The following RPL31 variants were observed in gnomAD, a reference collection of about 807,000 sequenced individuals.
RPL31 encodes large ribosomal subunit protein eL31.
For synonymous variants in RPL31, 51 were observed against 55.0 expected (o/e 0.93, Z 0.32); for missense variants, 95 against 164.0 (o/e 0.58, Z 2.30).
In RPL31 at chr2:101,018,997, G is replaced by C; in HGVS notation, c.347-1G>C. ...AATCATCTGTAATATTTCTGTGCTA[G>C]TTTCTGTGCTAAACAGTGTTACAGT... On this transcript the variant is annotated splice_acceptor_variant, in intron 4 of 4. Coordinates refer to the RPL31 transcript ENST00000409028. LOFTEE classifies it high-confidence loss of function. 6 of 1,612,242 alleles carry C rather than the reference G, an allele frequency of 3.7e-6. No individual in the cohort carries two copies. Among genetic ancestry groups the C allele is most frequent in the Non-Finnish European group, 5.1e-6 (6 of 1,179,240 alleles).
chr2:101,008,000 T>G (rs772497052), downstream of RPL31: 1 of 1,613,982 alleles, frequency 6.2e-7, no homozygotes, highest in East Asian at 2.2e-5. Flanking sequence ...AGGGAGACAG[T>G]CCAGTCCCTT....
chr2:101,007,872 A>AGTT (rs1205459409), downstream of RPL31: 13 of 1,613,768 alleles, frequency 8.1e-6, no homozygotes, highest in South Asian at 1.4e-4. Context: ...TCATTTCAAA[A>AGTT]GTTTTGAGAT....
At chr2:101,013,755 T>A (rs1407251219) in intron 4 of RPL31, among the ~76,000 whole-genome samples, 2 of 152,244 alleles carry the variant, frequency 1.3e-5, no homozygotes, top group East Asian at 3.8e-4. Flanking sequence ...AGTTCCACCA[T>A]AAGTGTCTTC....
downstream of RPL31, among the ~76,000 whole-genome samples, chr2:101,008,975 G>C (rs115562157): frequency 5.2e-3 from 787 of 152,362 alleles, 8 homozygotes; most frequent in African/African-American, 0.018. Flanking sequence ...AAATGAAATG[G>C]AAGAGTGATG....
intron 4 of RPL31, among the ~76,000 whole-genome samples, chr2:101,016,614 C>T (rs1184454520): frequency 6.6e-6 from 1 of 152,124 alleles, no homozygotes; most frequent in Non-Finnish European, 1.5e-5. Context: ...GCTATAAAGA[C>T]ACATGCACAC....
chr2:101,006,252 T>C (rs555975968), intron 4 of RPL31, 98 bp from the exon 5 acceptor site: 35 of 1,540,768 alleles, frequency 2.3e-5, no homozygotes, highest in Middle Eastern at 3.5e-4. Context: ...AAAAAGGTTG[T>C]GGAAAATAGA....
chr2:101,006,287 T>G (rs1366886559), intron 4 of RPL31, 63 bp from the exon 5 acceptor site: 2 of 1,584,590 alleles, frequency 1.3e-6, no homozygotes, highest in African/African-American at 1.4e-5. Flanking sequence ...CTACAAAAGG[T>G]TTTTAGAGTT....
chr2:101,010,853 G>C (rs1236958677), downstream of RPL31: 4 of 1,291,174 alleles, frequency 3.1e-6, no homozygotes, highest in African/African-American at 4.5e-5. Context: ...CTGTACTCCA[G>C]CCTGGGCGAC....
chr2:101,008,785 T>A (rs1334499624), downstream of RPL31, among the ~76,000 whole-genome samples: 1 of 150,904 alleles, frequency 6.6e-6, no homozygotes. Context: ...CACTCCAGCC[T>A]GGGCAACAAG....
intron 2 of RPL31, 125 bp downstream of exon 2, chr2:101,002,933 A>T: frequency 5.7e-6 from 4 of 701,976 alleles, no homozygotes; most frequent in East Asian, 5.4e-5. Context: ...TTCATTGGCA[A>T]TTTAACAAAT....
Position 101,006,481 on chromosome 2 carries a change from G to A in RPL31, c.*100G>A, listed in dbSNP as rs1442390754. On this transcript the variant is annotated 3_prime_UTR_variant, in exon 5 of 5. Coordinates refer to ENST00000264258, the MANE Select transcript of RPL31 (RefSeq NM_000993.5). The stretch of plus-strand genomic sequence containing the variant: ...ACTTGTATACCCTATCCTAATTATG[G>A]GATCATTTGAAGAGCTTTTCCCAAA... 3 of 1,159,666 alleles carry A rather than the reference G, an allele frequency of 2.6e-6. No homozygotes were observed. The African/African-American group carries it at 4.7e-5, about 18-fold the overall frequency. 71.8% of individuals were successfully genotyped at this position (1,159,666 alleles called of 1,614,324 possible). A position where few individuals can be genotyped will look rare whatever the true frequency, so the allele number is the denominator to read the frequency against.
chr2:101,002,502 C>A, intron 1 of RPL31, 187 bp downstream of exon 1: 1 of 611,566 alleles, frequency 1.6e-6, no homozygotes, highest in South Asian at 2.0e-5. Context: ...TTAGGGGAGC[C>A]GGAGCGGCAG....
chr2:101,007,751 G>A (rs1032078895), downstream of RPL31: 26 of 1,489,596 alleles, frequency 1.7e-5, no homozygotes, highest in African/African-American at 1.8e-4. Flanking sequence ...GTTTAGGGCT[G>A]ACCCCAAGAA....
chr2:101,010,785 G>C, downstream of RPL31: 1 of 623,980 alleles, frequency 1.6e-6, no homozygotes, highest in South Asian at 1.9e-5. Context: ...AGGAGGCTGA[G>C]GCAGGAGAAC....
intron 2 of RPL31, 47 bp downstream of exon 2, chr2:101,002,855 T>A: frequency 7.0e-7 from 1 of 1,425,238 alleles, no homozygotes; most frequent in Non-Finnish European, 9.9e-7. Context: ...ACGCGTCTGG[T>A]TGTTACCGAG....
rs767602624 is a variant in RPL31 at position 101,004,305 on chromosome 2, G to A, written c.233+22G>A. 17 of 1,612,374 alleles carry A rather than the reference G, an allele frequency of 1.1e-5. No individual in the cohort carries two copies. The African/African-American group carries it at 1.5e-4, about 14-fold the overall frequency. On this transcript the variant is annotated intron_variant, in intron 3 of 4. Coordinates refer to ENST00000264258, the MANE Select transcript of RPL31 (RefSeq NM_000993.5). ...TAAGGTGCTAAAGTTATCTGTATTC[G>A]AAGGTGAACTTTTGCAATGACACCA...
chr2:101,010,069 AC>A (rs1679088681), downstream of RPL31, among the ~76,000 whole-genome samples: 1 of 151,394 alleles, frequency 6.6e-6, no homozygotes, highest in African/African-American at 2.4e-5. Context: ...CTCGTAATCC[AC>A]CCGCCTCGGC....
At chr2:101,007,946 T>C (rs758322894), downstream of RPL31, 19 of 1,613,944 alleles carry the variant, frequency 1.2e-5, no homozygotes, top group South Asian at 2.1e-4. Flanking sequence ...TCAAAAAAGT[T>C]GACTAATGAC....
chr2:101,006,485 C>G lies in RPL31; in HGVS notation c.*104C>G. On this transcript the variant is annotated 3_prime_UTR_variant, in exon 5 of 5. Transcript: ENST00000264258. ...GTATACCCTATCCTAATTATGGGAT[C>G]ATTTGAAGAGCTTTTCCCAAATTGA... The G allele has an allele frequency of 8.9e-7, 1 of 1,124,032 alleles. No homozygotes were observed. The highest frequency in any genetic ancestry group is 1.2e-6 in the Non-Finnish European group (1 of 801,508). 69.6% of individuals were successfully genotyped at this position (1,124,032 alleles called of 1,614,324 possible). A position where few individuals can be genotyped will look rare whatever the true frequency, so the allele number is the denominator to read the frequency against.
Sources: allele counts gnomAD v4.1 joint callset (sites outside exome capture counted in the v4.1 genomes callset), GRCh38; gene constraint gnomAD v4.1.1; transcripts MANE v1.5; gene names NCBI Gene and HGNC (gene_info 2026-07-23, HGNC 2026-07-21).